Variants in MINDY4 observed in about 807,000 individuals in gnomAD.
MINDY4 encodes probable ubiquitin carboxyl-terminal hydrolase MINDY-4.
Under a neutral mutation model 87.0 loss-of-function variants are expected in MINDY4, and 68 were observed. That is an observed-to-expected ratio of 0.78 (90% CI 0.64 to 0.96). The LOEUF is 0.96. MINDY4 is among the 40% of genes least tolerant of loss of function. MINDY4 has a pLI of 0.00. For synonymous variants in MINDY4, 379 were observed against 363.2 expected (o/e 1.04, Z -0.50); for missense variants, 919 against 928.2 (o/e 0.99, Z 0.13).
intron 1 of MINDY4, among the ~76,000 whole-genome samples, chr7:30,776,717 C>T (rs951143185): frequency 6.6e-6 from 1 of 152,216 alleles, no homozygotes; most frequent in Non-Finnish European, 1.5e-5. Context: ...GGCCTTCATC[C>T]TTGTCTTCCC....
intron 5 of MINDY4, among the ~76,000 whole-genome samples, chr7:30,819,237 T>A (rs1269264212): frequency 6.6e-6 from 1 of 152,212 alleles, no homozygotes; most frequent in African/African-American, 2.4e-5. Context: ...CTTTATAAGT[T>A]GTGTTTTTAA....
chr7:30,872,432 C>A, intron 14 of MINDY4, 126 bp downstream of exon 14: 2 of 856,322 alleles, frequency 2.3e-6, no homozygotes, highest in Non-Finnish European at 3.7e-6. Flanking sequence ...CAACACTCTT[C>A]AAGCAGCTTT....
chr7:30,857,298 C>T (rs932349512), intron 12 of MINDY4, among the ~76,000 whole-genome samples: 2 of 152,134 alleles, frequency 1.3e-5, no homozygotes, highest in African/African-American at 4.8e-5. Context: ...CCTTGATACT[C>T]CCTCCCCGAA....
intron 1 of MINDY4, among the ~76,000 whole-genome samples, chr7:30,774,765 C>T (rs1786757556): frequency 6.6e-6 from 1 of 152,060 alleles, no homozygotes; most frequent in African/African-American, 2.4e-5. Context: ...TCCTACTCCT[C>T]TGGGTGCTCC....
In MINDY4 at chr7:30,874,997, G is replaced by A. The variant is rs188788189; in HGVS notation, c.1810-498G>A. On this transcript the variant is annotated intron_variant, in intron 14 of 17. Coordinates refer to ENST00000265299, the MANE Select transcript of MINDY4 (RefSeq NM_032222.3). ...AAAGGTTTCTTTAAAAAATAACATC[G>A]TTTAAGACTCACCCAAATGTCACTT... Among the ~76,000 whole-genome samples, 14 of 152,268 alleles carry A rather than the reference G, an allele frequency of 9.2e-5. 2 individuals are homozygous for A. Among genetic ancestry groups the A allele is most frequent in the African/African-American group, 3.1e-4 (13 of 41,552 alleles).
At chr7:30,840,971 G>C in intron 9 of MINDY4, 123 bp downstream of exon 9, 2 of 857,674 alleles carry the variant, frequency 2.3e-6, no homozygotes, top group Non-Finnish European at 3.6e-6. Flanking sequence ...GGTCAAGAAA[G>C]GAGAGGTTAA....
rs899721696 is a variant in MINDY4 at position 30,860,176 on chromosome 7, A to T, written c.1745+852A>T. ...AGCTCTCAGCAGGTGGGCCCTGGGA[A>T]GTGGGGAGGCAGGGTGAGTAGCCTT... On this transcript the variant is annotated intron_variant, in intron 13 of 17. Transcript: ENST00000265299. 4.6e-5 allele frequency among the ~76,000 whole-genome samples: 7 copies of T among 152,124 alleles called. No homozygotes were observed. In the South Asian group the frequency reaches 1.5e-3, roughly 32 times the overall value.
chr7:30,862,782 C>A (rs577868341), intron 13 of MINDY4, among the ~76,000 whole-genome samples: 28 of 152,326 alleles, frequency 1.8e-4, no homozygotes, highest in African/African-American at 6.3e-4. Flanking sequence ...GCTCAGTCAC[C>A]CACAGCCGTG....
intron 15 of MINDY4, among the ~76,000 whole-genome samples, chr7:30,878,090 AAGCCTGGACCTGGACTCAG>A (rs1055437249): frequency 2.8e-4 from 43 of 151,942 alleles, no homozygotes; most frequent in Non-Finnish European, 5.4e-4. Flanking sequence ...TCCAGCACCC[AAGCCTGGACCTGGACTCAG>A]AGCCAGGGCC....
chr7:30,816,120 G>T (rs778617874), intron 5 of MINDY4, among the ~76,000 whole-genome samples: 1 of 151,870 alleles, frequency 6.6e-6, no homozygotes, highest in Non-Finnish European at 1.5e-5. Flanking sequence ...GCTGTATCTA[G>T]GTGATCTCTG....
At chr7:30,857,441 G>A (rs1040691779) in intron 12 of MINDY4, among the ~76,000 whole-genome samples, 4 of 150,558 alleles carry the variant, frequency 2.7e-5, no homozygotes, top group Admixed American at 6.7e-5. Context: ...TCCCCAAGAG[G>A]AGAGATCCAT....
At chr7:30,884,064 C>T (rs1232272208) in intron 17 of MINDY4, among the ~76,000 whole-genome samples, 4 of 152,164 alleles carry the variant, frequency 2.6e-5, no homozygotes, top group African/African-American at 4.8e-5. Flanking sequence ...ATCTCCATTT[C>T]TCTGCCTGTG....
chr7:30,807,797 C>G (rs141443603), intron 5 of MINDY4, among the ~76,000 whole-genome samples: 1 of 152,248 alleles, frequency 6.6e-6, no homozygotes, highest in African/African-American at 2.4e-5. Context: ...AGTCACGTAC[C>G]CCCTGCTTGC....
chr7:30,794,095 CTT>C (rs1787407330), intron 5 of MINDY4, among the ~76,000 whole-genome samples: 1 of 152,102 alleles, frequency 6.6e-6, no homozygotes, highest in Admixed American at 6.5e-5. Context: ...AGCGAGGCGT[CTT>C]TGTGTAGTGC....
At chr7:30,841,759 T>A (rs1360689692) in intron 9 of MINDY4, among the ~76,000 whole-genome samples, 3 of 152,168 alleles carry the variant, frequency 2.0e-5, no homozygotes, top group Non-Finnish European at 4.4e-5. Context: ...GAAAAAATAT[T>A]TCTAGTACTC....
At chr7:30,889,475 A>G (rs1032484194) in intron 17 of MINDY4, among the ~76,000 whole-genome samples, 4 of 152,164 alleles carry the variant, frequency 2.6e-5, no homozygotes, top group African/African-American at 9.7e-5. Context: ...CTCCACCCCC[A>G]AATAGTATCA....
At chr7:30,786,935 A>G (rs1787175251) in intron 4 of MINDY4, among the ~76,000 whole-genome samples, 1 of 152,246 alleles carries the variant, frequency 6.6e-6, no homozygotes, top group Admixed American at 6.5e-5. Context: ...GTGCCGTATC[A>G]GTCAAATCAG....
At chr7:30,831,758 T>C (rs1788709813) in intron 6 of MINDY4, among the ~76,000 whole-genome samples, 1 of 152,198 alleles carries the variant, frequency 6.6e-6, no homozygotes, top group South Asian at 2.1e-4. Flanking sequence ...CCCTATGGAA[T>C]CTTCCTATGA....
At chr7:30,789,670 T>G (rs909863294) in intron 4 of MINDY4, among the ~76,000 whole-genome samples, 4 of 152,216 alleles carry the variant, frequency 2.6e-5, no homozygotes, top group Admixed American at 6.5e-5. Flanking sequence ...CTTAGTAATG[T>G]CTGCTTAGCC....
Sources: gnomAD v4.1 joint callset for allele counts (sites outside exome capture counted in the v4.1 genomes callset) on GRCh38, gnomAD v4.1.1 for gene constraint, MANE v1.5 for transcripts, NCBI Gene and HGNC (gene_info 2026-07-23, HGNC 2026-07-21) for gene names.